The following OLFM3 variants were observed in gnomAD, a reference collection of about 807,000 sequenced individuals.
The protein encoded by OLFM3 is noelin-3.
In OLFM3, 20 loss-of-function variants were observed where a neutral mutation model predicts 48.6. That is an observed-to-expected ratio of 0.41 (90% CI 0.29 to 0.60). OLFM3 has a LOEUF of 0.60. Ranked by LOEUF, OLFM3 falls within the 20% of genes least tolerant of loss-of-function variation. OLFM3 has a pLI of 0.28. For synonymous variants in OLFM3, 222 were observed against 198.1 expected (o/e 1.12, Z -1.01); for missense variants, 437 against 544.3 (o/e 0.80, Z 1.96).
At chr1:101,907,068 T>C (rs547735281) in intron 1 of OLFM3, among the ~76,000 whole-genome samples, 9 of 152,162 alleles carry the variant, frequency 5.9e-5, no homozygotes, top group Non-Finnish European at 1.2e-4. Flanking sequence ...AAGATTAAAA[T>C]TGAGCTACAA....
At chr1:101,865,258 A>C (rs977502149) in intron 1 of OLFM3, among the ~76,000 whole-genome samples, 1 of 151,972 alleles carries the variant, frequency 6.6e-6, no homozygotes, top group African/African-American at 2.4e-5. Flanking sequence ...AGCCCTGGCC[A>C]ATCCTTAAAA....
chr1:101,966,617 T>C (rs1557749964), intron 1 of OLFM3, among the ~76,000 whole-genome samples: 2 of 152,310 alleles, frequency 1.3e-5, no homozygotes, highest in East Asian at 3.9e-4. Context: ...TCATGTTATG[T>C]GCTGATCTAG....
Position 101,803,757 on chromosome 1 carries a change from T to C in OLFM3, c.*481A>G, listed in dbSNP as rs1457449725. On this transcript the variant is annotated 3_prime_UTR_variant, in exon 6 of 6. Coordinates refer to ENST00000370103, the MANE Select transcript of OLFM3 (RefSeq NM_058170.4). Reference sequence around the variant, plus strand: ...TGTGTTAACAGCAAAATGATTAATATTATTTTTCAATATAAATGAAATCCT... The same window carrying C: ...TGTGTTAACAGCAAAATGATTAATACTATTTTTCAATATAAATGAAATCCT... 6.6e-6 allele frequency: 1 copy of C among 152,584 alleles called. No individual in the cohort carries two copies. The highest frequency in any genetic ancestry group is 2.4e-5 in the African/African-American group (1 of 41,384). The allele number at this position is 152,584 out of a possible 1,614,324, so 9.5% of individuals were successfully genotyped here. A position where few individuals can be genotyped will look rare whatever the true frequency, so the allele number is the denominator to read the frequency against.
intron 1 of OLFM3, among the ~76,000 whole-genome samples, chr1:101,845,756 AAGC>A: frequency 6.6e-6 from 1 of 152,324 alleles, no homozygotes; most frequent in East Asian, 1.9e-4. Context: ...GAAAATGTAA[AAGC>A]AGGTCAAAGT....
chr1:101,831,628 G>GAATA lies in OLFM3; in HGVS notation c.217-805_217-802dup, dbSNP rs528825592. On this transcript the variant is annotated intron_variant, in intron 2 of 5. Coordinates refer to ENST00000370103, the MANE Select transcript of OLFM3 (RefSeq NM_058170.4). ...AGGGGATGTGTTAAATAGAGAAATAGAATATGAATGACCCGTTATAAAGAT... is the reference window on the plus strand; with the variant it reads ...AGGGGATGTGTTAAATAGAGAAATAGAATAAATATGAATGACCCGTTATAAAGAT... Among the ~76,000 whole-genome samples the GAATA allele has an allele frequency of 1.7e-3, 261 of 152,264 alleles. 1 individual carries two copies. Among genetic ancestry groups the GAATA allele is most frequent in the African/African-American group, 5.9e-3 (245 of 41,556 alleles).
At chr1:101,955,256 A>G (rs1311224679) in intron 1 of OLFM3, among the ~76,000 whole-genome samples, 1 of 151,954 alleles carries the variant, frequency 6.6e-6, no homozygotes, top group African/African-American at 2.4e-5. Flanking sequence ...TGCCAGCTGG[A>G]ATTGGGAGAC....
intron 1 of OLFM3, among the ~76,000 whole-genome samples, chr1:101,899,099 G>T (rs534452285): frequency 6.6e-6 from 1 of 152,122 alleles, no homozygotes; most frequent in Non-Finnish European, 1.5e-5. Flanking sequence ...AGCTCAGCTG[G>T]GAGGCTCTAC....
Position 101,907,528 on chromosome 1 carries a change from T to C in OLFM3, c.70-70503A>G, listed in dbSNP as rs74317799. On this transcript the variant is annotated intron_variant, in intron 1 of 5. Coordinates refer to ENST00000370103, the MANE Select transcript of OLFM3 (RefSeq NM_058170.4). ...GTTTCTGTGATGCTAATTAGCAGAATTGCAGAAGCGACCCAGGACACCAGG... is the reference window on the plus strand; with the variant it reads ...GTTTCTGTGATGCTAATTAGCAGAACTGCAGAAGCGACCCAGGACACCAGG... Among the ~76,000 whole-genome samples, 1,092 of 152,296 alleles carry C rather than the reference T, an allele frequency of 7.2e-3. 17 individuals carry two copies. The highest frequency in any genetic ancestry group is 0.025 in the African/African-American group (1,030 of 41,560).
chr1:101,841,590 G>C (rs536083362), intron 1 of OLFM3, among the ~76,000 whole-genome samples: 2 of 152,264 alleles, frequency 1.3e-5, no homozygotes, highest in East Asian at 3.9e-4. Context: ...AGTAGCCATT[G>C]GTGCCTCAGA....
At chr1:101,972,972 C>T (rs1028076410) in intron 1 of OLFM3, among the ~76,000 whole-genome samples, 1 of 152,112 alleles carries the variant, frequency 6.6e-6, no homozygotes, top group East Asian at 1.9e-4. Context: ...AATTTCTGGC[C>T]TTGAGGCGTT....
intron 2 of OLFM3, among the ~76,000 whole-genome samples, chr1:101,834,358 A>G (rs1655300962): frequency 6.6e-6 from 1 of 152,262 alleles, no homozygotes; most frequent in African/African-American, 2.4e-5. Flanking sequence ...TACAAAATAT[A>G]CTAATAATGG....
At chr1:101,982,913 TACAC>T (rs149648138) in intron 1 of OLFM3, among the ~76,000 whole-genome samples, 3 of 150,858 alleles carry the variant, frequency 2.0e-5, no homozygotes, top group Admixed American at 2.0e-4. Context: ...TCTTTGTTTT[TACAC>T]ACACACACAC....
intron 1 of OLFM3, among the ~76,000 whole-genome samples, chr1:101,944,874 C>T (rs10157252): frequency 0.44 from 60,393 of 136,768 alleles, 12,397 homozygotes; most frequent in Middle Eastern, 0.54. Context: ...AGTGAGACTC[C>T]ACCTCAAAAA....
chr1:101,925,339 A>G (rs913797551), intron 1 of OLFM3, among the ~76,000 whole-genome samples: 20 of 151,942 alleles, frequency 1.3e-4, no homozygotes, highest in Non-Finnish European at 2.5e-4. Flanking sequence ...TTTTTAATGA[A>G]ATATCACTGT....
intron 1 of OLFM3, among the ~76,000 whole-genome samples, chr1:101,939,471 T>G (rs955369739): frequency 6.6e-6 from 1 of 152,090 alleles, no homozygotes; most frequent in Middle Eastern, 3.2e-3. Context: ...ATAGTAGATA[T>G]AAAAATCTAA....
At chr1:101,932,010 T>G (rs1175187017) in intron 1 of OLFM3, among the ~76,000 whole-genome samples, 2 of 152,204 alleles carry the variant, frequency 1.3e-5, no homozygotes, top group Non-Finnish European at 2.9e-5. Context: ...TTAAATAAGT[T>G]GGAGAATCTC....
chr1:101,990,667 T>C (rs1661372983), intron 1 of OLFM3, among the ~76,000 whole-genome samples: 1 of 152,050 alleles, frequency 6.6e-6, no homozygotes, highest in Non-Finnish European at 1.5e-5. Flanking sequence ...AATATTGTCA[T>C]AATAGCATTA....
At chr1:101,920,674 G>A (rs1021829152) in intron 1 of OLFM3, among the ~76,000 whole-genome samples, 7 of 152,130 alleles carry the variant, frequency 4.6e-5, no homozygotes, top group African/African-American at 7.2e-5. Flanking sequence ...ATTAAGGATT[G>A]ACAAGTGATA....
intron 1 of OLFM3, chr1:101,847,013 A>G (rs1034929645): frequency 5.1e-6 from 8 of 1,576,704 alleles, no homozygotes; most frequent in African/African-American, 1.3e-5. Flanking sequence ...ACTGATTAAG[A>G]TCCCGGTGCC....
Sources: gnomAD v4.1 joint callset for allele counts (sites outside exome capture counted in the v4.1 genomes callset) on GRCh38, gnomAD v4.1.1 for gene constraint, MANE v1.5 for transcripts, NCBI Gene and HGNC (gene_info 2026-07-23, HGNC 2026-07-21) for gene names.